The following GAS7 variants were observed in gnomAD, a reference collection of about 807,000 sequenced individuals.
GAS7 encodes the protein growth arrest specific 7.
Under a neutral mutation model 71.1 loss-of-function variants are expected in GAS7, and 28 were observed. The ratio of observed to expected loss-of-function variants is 0.39; its 90% CI spans 0.29 to 0.54. GAS7 has a LOEUF of 0.54. Among genes scored for constraint, GAS7 ranks in the 20% least tolerant of loss-of-function variants. The pLI is 0.62. For missense variants in GAS7, 436 were observed against 627.8 expected, an observed-to-expected ratio of 0.69 and a Z score of 3.27; for synonymous variants, 258 against 245.8, an observed-to-expected ratio of 1.05 and a Z score of -0.46.
At chr17:10,186,201 C>T (rs561526299) in intron 1 of GAS7, among the ~76,000 whole-genome samples, 1 of 151,950 alleles carries the variant, frequency 6.6e-6, no homozygotes, top group East Asian at 1.9e-4. Context: ...TTGTGATCCG[C>T]CTGCCTCGGC....
chr17:10,039,905 C>A, intron 1 of GAS7: 1 of 302,876 alleles, frequency 3.3e-6, no homozygotes, highest in African/African-American at 2.2e-5. Flanking sequence ...TCTGTGTCCG[C>A]ATCCCACCTT....
At chr17:10,176,120 G>T (rs973555785) in intron 1 of GAS7, among the ~76,000 whole-genome samples, 13 of 152,230 alleles carry the variant, frequency 8.5e-5, no homozygotes, top group Non-Finnish European at 1.6e-4. Flanking sequence ...TTAACTGAAG[G>T]CAGGGAAGGA....
chr17:9,956,591 C>A (rs555671423), intron 5 of GAS7, among the ~76,000 whole-genome samples: 2 of 152,308 alleles, frequency 1.3e-5, no homozygotes, highest in Admixed American at 6.5e-5. Context: ...AGCCCCACAC[C>A]AGGGACAGCG....
At chr17:10,179,977 C>T (rs1287961741) in intron 1 of GAS7, among the ~76,000 whole-genome samples, 6 of 152,136 alleles carry the variant, frequency 3.9e-5, no homozygotes, top group African/African-American at 9.7e-5. Context: ...GGAGCATTTA[C>T]GTTTAGGAAA....
chr17:9,935,511 C>G (rs2068369129), intron 8 of GAS7, among the ~76,000 whole-genome samples: 1 of 152,218 alleles, frequency 6.6e-6, no homozygotes, highest in Admixed American at 6.5e-5. Flanking sequence ...CCAAAAGCCA[C>G]TTCCCCCAGA....
At chr17:9,990,190 A>C (rs2152141370) in intron 2 of GAS7, among the ~76,000 whole-genome samples, 1 of 152,126 alleles carries the variant, frequency 6.6e-6, no homozygotes. Flanking sequence ...AATGGCATGA[A>C]CCCGGGAGGC....
At chr17:10,110,415 G>A (rs960970873) in intron 1 of GAS7, among the ~76,000 whole-genome samples, 5 of 152,036 alleles carry the variant, frequency 3.3e-5, no homozygotes, top group African/African-American at 1.2e-4. Flanking sequence ...GAGGGGGGAT[G>A]AAGAGAGTTT....
chr17:10,146,153 C>T, intron 1 of GAS7, among the ~76,000 whole-genome samples: 1 of 152,178 alleles, frequency 6.6e-6, no homozygotes, highest in East Asian at 1.9e-4. Flanking sequence ...CACCAAGGCA[C>T]CCTGAACTTC....
At position 9,915,023 on chromosome 17, in the gene GAS7, C is replaced by A. The variant is rs1306390700; in HGVS notation, c.*2205G>T. 1 of 231,782 alleles carries A rather than the reference C, an allele frequency of 4.3e-6. No individual in the cohort carries two copies. The highest frequency in any genetic ancestry group is 8.5e-6 in the Non-Finnish European group (1 of 117,294). The allele number at this position is 231,782 out of a possible 1,614,324, so 14.4% of individuals were successfully genotyped here. On this transcript the variant is annotated 3_prime_UTR_variant, in exon 14 of 14. Transcript: ENST00000432992. ...TTAGATCTTAGCACAATGGCTTTAA[C>A]CTGCTTGATGAATGAATAACAGAGG...
chr17:10,119,703 C>T (rs2073889822), intron 1 of GAS7, among the ~76,000 whole-genome samples: 1 of 152,202 alleles, frequency 6.6e-6, no homozygotes, highest in Non-Finnish European at 1.5e-5. Context: ...CTGGTGCCAC[C>T]CCAAAGCACC....
At chr17:9,925,791 C>T (rs1462290241) in intron 10 of GAS7, among the ~76,000 whole-genome samples, 192 bp from the exon 11 acceptor site, 1 of 152,168 alleles carries the variant, frequency 6.6e-6, no homozygotes, top group Admixed American at 6.5e-5. Flanking sequence ...CAACTCTTTT[C>T]GTCCTTGCCT....
chr17:9,989,131 G>A (rs1254918079), intron 2 of GAS7, among the ~76,000 whole-genome samples: 2 of 152,008 alleles, frequency 1.3e-5, no homozygotes, highest in Non-Finnish European at 2.9e-5. Flanking sequence ...CTACGCGCCC[G>A]GCCCATTTCC....
chr17:10,106,838 T>C (rs1219540820), intron 1 of GAS7, among the ~76,000 whole-genome samples: 2 of 152,136 alleles, frequency 1.3e-5, no homozygotes, highest in African/African-American at 2.4e-5. Context: ...TGTTACCTTA[T>C]ATGGCAAAAG....
intron 1 of GAS7, among the ~76,000 whole-genome samples, chr17:10,180,331 CAAA>C (rs34829725): frequency 5.2e-5 from 5 of 96,470 alleles, no homozygotes; most frequent in Non-Finnish European, 4.1e-5. Context: ...AACTCTGCCT[CAAA>C]AAAAAAAAAA....
chr17:9,930,623 C>T (rs2068175306), intron 9 of GAS7, among the ~76,000 whole-genome samples: 1 of 152,156 alleles, frequency 6.6e-6, no homozygotes, highest in Non-Finnish European at 1.5e-5. Flanking sequence ...AGCTAATGGA[C>T]CAGAAAAACC....
chr17:10,118,827 C>CA (rs1163602078), intron 1 of GAS7, among the ~76,000 whole-genome samples: 1 of 152,006 alleles, frequency 6.6e-6, no homozygotes, highest in Admixed American at 6.6e-5. Flanking sequence ...CGCAGGTGGC[C>CA]AGCCTGTGCA....
chr17:10,011,309 G>A (rs2071763247), intron 2 of GAS7, among the ~76,000 whole-genome samples: 1 of 152,246 alleles, frequency 6.6e-6, no homozygotes, highest in Non-Finnish European at 1.5e-5. Flanking sequence ...CTGGCTTTCT[G>A]AGAGCTTGGT....
chr17:10,155,923 C>T (rs947532692), intron 1 of GAS7, among the ~76,000 whole-genome samples: 1 of 152,190 alleles, frequency 6.6e-6, no homozygotes, highest in Non-Finnish European at 1.5e-5. Context: ...TGACACCCCG[C>T]ACTCTCTGAA....
chr17:9,979,352 C>A (rs1458143403), intron 3 of GAS7, among the ~76,000 whole-genome samples: 2 of 152,162 alleles, frequency 1.3e-5, no homozygotes, highest in Admixed American at 1.3e-4. Context: ...GCCATGCGGG[C>A]AATTCTCATC....
Sources: gnomAD v4.1 joint callset for allele counts (sites outside exome capture counted in the v4.1 genomes callset) on GRCh38, gnomAD v4.1.1 for gene constraint, MANE v1.5 for transcripts, NCBI Gene and HGNC (gene_info 2026-07-23, HGNC 2026-07-21) for gene names.